Variants in EDA observed in about 807,000 individuals in gnomAD.
EDA encodes the protein ectodysplasin A.
Under a neutral mutation model 23.6 loss-of-function variants are expected in EDA, and 2 were observed. That is an observed-to-expected ratio of 0.08 (90% CI 0.03 to 0.27). EDA has a LOEUF of 0.27. Among genes scored for constraint, EDA ranks in the 10% least tolerant of loss-of-function variants. EDA has a pLI of 1.00. For missense variants in EDA, 229 were observed against 324.2 expected (o/e 0.71, Z 2.26); for synonymous variants, 131 against 132.0 (o/e 0.99, Z 0.05).
chrX:69,777,836 T>A (rs949353817), intron 1 of EDA, among the ~76,000 whole-genome samples: 2 of 112,189 alleles, frequency 1.8e-5, no homozygotes, highest in Non-Finnish European at 3.8e-5. Flanking sequence ...GAAGATAAAT[T>A]TGCATTTCAG....
chrX:69,629,623 A>G (rs1932500217), intron 1 of EDA, among the ~76,000 whole-genome samples: 1 of 111,580 alleles, frequency 9.0e-6, no homozygotes, highest in African/African-American at 3.3e-5. Context: ...TTATTAATGG[A>G]GTCTGTCAGT....
intron 2 of EDA, among the ~76,000 whole-genome samples, chrX:70,005,560 T>A (rs1177866729): frequency 9.1e-6 from 1 of 110,211 alleles, no homozygotes; most frequent in Non-Finnish European, 1.9e-5. Context: ...AACAGTGTGT[T>A]AATGGAACAC....
intron 1 of EDA, among the ~76,000 whole-genome samples, chrX:69,685,236 T>G (rs1017694976): frequency 8.9e-6 from 1 of 112,304 alleles, no homozygotes; most frequent in African/African-American, 3.2e-5. Context: ...AAATTTAATT[T>G]TAAAAGTACT....
intron 1 of EDA, among the ~76,000 whole-genome samples, chrX:69,745,572 G>A (rs1400686535): frequency 1.4e-4 from 15 of 111,073 alleles, no homozygotes; most frequent in South Asian, 7.4e-4. Context: ...TTCTTTGCTC[G>A]TTAAGAAAAA....
intron 1 of EDA, among the ~76,000 whole-genome samples, chrX:69,721,220 G>T (rs1181238668): frequency 8.9e-6 from 1 of 111,778 alleles, no homozygotes; most frequent in Non-Finnish European, 1.9e-5. Context: ...GAAGGGCATG[G>T]TGGGATTCTC....
chrX:69,748,769 T>G (rs1291637258), intron 1 of EDA, among the ~76,000 whole-genome samples: 1 of 111,230 alleles, frequency 9.0e-6, no homozygotes, highest in African/African-American at 3.3e-5. Context: ...ATCTGTAAAA[T>G]AAGGATGTAG....
chrX:69,903,028 A>G (rs1189421584), intron 1 of EDA, among the ~76,000 whole-genome samples: 2 of 112,256 alleles, frequency 1.8e-5, no homozygotes, highest in African/African-American at 3.2e-5. Flanking sequence ...TATGCACCTA[A>G]TAAGAGCAAC....
rs1184712721 is a variant in EDA at position 69,756,325 on chromosome X, A to G, written c.396+139621A>G. Among the ~76,000 whole-genome samples, 13 of 112,572 alleles carry G rather than the reference A, an allele frequency of 1.2e-4. 1 individual carries two copies. Among genetic ancestry groups the G allele is most frequent in the African/African-American group, 4.2e-4 (13 of 30,970 alleles). The stretch of plus-strand genomic sequence containing the variant: ...TGTTTTGTTCCAGGTATTGATACTC[A>G]AAAGATTTATAATTGCATTTTTTAT... On this transcript the variant is annotated intron_variant, in intron 1 of 7. Transcript: ENST00000374552.
intron 1 of EDA, among the ~76,000 whole-genome samples, chrX:69,718,546 T>G (rs745898260): frequency 9.0e-6 from 1 of 111,307 alleles, no homozygotes; most frequent in South Asian, 3.9e-4. Context: ...CATTGATTGA[T>G]ATGATCATAT....
chrX:69,940,508 G>C (rs1305875863), intron 1 of EDA, among the ~76,000 whole-genome samples: 1 of 109,556 alleles, frequency 9.1e-6, no homozygotes, highest in Non-Finnish European at 1.9e-5. Context: ...AAGGTTTGTT[G>C]ATTTTTTTAT....
intron 1 of EDA, among the ~76,000 whole-genome samples, chrX:69,911,293 C>G (rs1347442323): frequency 2.7e-5 from 3 of 111,803 alleles, no homozygotes; most frequent in Non-Finnish European, 5.6e-5. Context: ...AGGATCACCT[C>G]TGGCTTTCTG....
intron 1 of EDA, among the ~76,000 whole-genome samples, chrX:69,722,357 C>A (rs1345422368): frequency 9.1e-6 from 1 of 109,665 alleles, no homozygotes; most frequent in East Asian, 2.9e-4. Flanking sequence ...AGGTGCCCAC[C>A]ACCACGCCTG....
In EDA at chrX:69,887,707, C is replaced by T. The variant is rs1333358762; in HGVS notation, c.397-69320C>T. Among the ~76,000 whole-genome samples the T allele has an allele frequency of 3.6e-5, 4 of 111,837 alleles. No individual in the cohort carries two copies. The East Asian group carries it at 1.1e-3, about 31-fold the overall frequency. ...GATTCATCACATATAAGGGAACCCT[C>T]ATAAGGCTACCATGAGACTTCTCAA... On this transcript the variant is annotated intron_variant, in intron 1 of 7. Transcript: ENST00000374552.
chrX:69,882,540 C>T (rs1234075536), intron 1 of EDA, among the ~76,000 whole-genome samples: 3 of 111,710 alleles, frequency 2.7e-5, no homozygotes, highest in Non-Finnish European at 5.6e-5. Context: ...ATGAGGTCCC[C>T]AGTAGAAGTG....
At position 69,980,105 on chromosome X, in the gene EDA, T is replaced by A. The variant is rs1469698228; in HGVS notation, c.502+22973T>A. Among the ~76,000 whole-genome samples the A allele has an allele frequency of 3.6e-5, 4 of 111,546 alleles. No homozygotes were observed. In the East Asian group the frequency reaches 1.1e-3, roughly 31 times the overall value. ...TGTGATTTCACTGTGATTTCAGGGCTTTATAGCTTCTTTGACCACAATAGT... is the reference window on the plus strand; with the variant it reads ...TGTGATTTCACTGTGATTTCAGGGCATTATAGCTTCTTTGACCACAATAGT... On this transcript the variant is annotated intron_variant, in intron 2 of 7. Transcript: ENST00000374552.
chrX:69,751,456 C>T (rs1334789296), intron 1 of EDA, among the ~76,000 whole-genome samples: 4 of 112,102 alleles, frequency 3.6e-5, no homozygotes, highest in Non-Finnish European at 5.6e-5. Flanking sequence ...AGTCAGGTAG[C>T]GCGATGCCTC....
At chrX:69,679,577 A>G (rs1056194734) in intron 1 of EDA, among the ~76,000 whole-genome samples, 1 of 111,273 alleles carries the variant, frequency 9.0e-6, no homozygotes, top group African/African-American at 3.3e-5. Flanking sequence ...GAATTTATCC[A>G]TTTCTTCTAG....
intron 1 of EDA, among the ~76,000 whole-genome samples, chrX:69,782,952 C>T (rs531547239): frequency 5.4e-5 from 6 of 111,841 alleles, no homozygotes; most frequent in African/African-American, 1.9e-4. Flanking sequence ...ATTGAAGCCA[C>T]GTCAACAAAC....
At chrX:69,757,539 A>G (rs1447694104) in intron 1 of EDA, among the ~76,000 whole-genome samples, 4 of 112,410 alleles carry the variant, frequency 3.6e-5, no homozygotes, top group Non-Finnish European at 7.5e-5. Flanking sequence ...TGTAGTTCAT[A>G]TCTCTTTCTT....
Sources: gnomAD v4.1 joint callset for allele counts (sites outside exome capture counted in the v4.1 genomes callset) on GRCh38, gnomAD v4.1.1 for gene constraint, MANE v1.5 for transcripts, NCBI Gene and HGNC (gene_info 2026-07-23, HGNC 2026-07-21) for gene names.